CALCRL: variants seen among roughly 807,000 people sequenced by gnomAD.
CALCRL encodes the protein calcitonin receptor like receptor.
Under a neutral mutation model 60.4 loss-of-function variants are expected in CALCRL, and 27 were observed. The ratio of observed to expected loss-of-function variants is 0.45; its 90% CI spans 0.33 to 0.62. The LOEUF (loss-of-function observed/expected upper bound fraction) is 0.62, where lower values mean the gene tolerates loss of function less well. Ranked by LOEUF, CALCRL falls within the 20% of genes least tolerant of loss-of-function variation. The pLI is 0.03. For synonymous variants in CALCRL, 190 were observed against 182.6 expected (o/e 1.04, Z -0.33); for missense variants, 424 against 540.7 (o/e 0.78, Z 2.14).
At chr2:187,444,126 C>A (rs41393945) in intron 1 of CALCRL, among the ~76,000 whole-genome samples, 1 of 151,496 alleles carries the variant, frequency 6.6e-6, no homozygotes, top group South Asian at 2.1e-4. Context: ...ATGATATGCT[C>A]AAAATTCACC....
intron 8 of CALCRL, among the ~76,000 whole-genome samples, chr2:187,375,557 A>T (rs1341123084): frequency 6.6e-6 from 1 of 152,192 alleles, no homozygotes. Context: ...GTTTAAAAGC[A>T]TGGGCATTTT....
In CALCRL at chr2:187,352,248, T is replaced by C. The variant is rs1262074672; in HGVS notation, c.994A>G (p.Met332Val). 1 of 1,612,286 alleles carries C rather than the reference T, an allele frequency of 6.2e-7. No individual in the cohort carries two copies. Among genetic ancestry groups the C allele is most frequent in the Admixed American group, 1.7e-5 (1 of 59,804 alleles). The change falls in exon 13 of 15, where the codon ATG becomes GTG. Residue 332 changes from methionine to valine, a missense_variant. Coordinates refer to ENST00000392370, the MANE Select transcript of CALCRL (RefSeq NM_005795.6). ...ATAAGAGTAGCTCTCACAGCTTTCA[T>C]GTACAGATTGGATTCCGCTTGGTGT... ...VTHQAESNLY[M>V]KAVRATLILV...
chr2:187,358,454 T>G (rs1686897767), intron 12 of CALCRL, among the ~76,000 whole-genome samples: 1 of 152,142 alleles, frequency 6.6e-6, no homozygotes, highest in Admixed American at 6.6e-5. Flanking sequence ...TGCACTCACA[T>G]TAACTGATAA....
At chr2:187,368,234 C>A (rs1453826269) in intron 8 of CALCRL, among the ~76,000 whole-genome samples, 2 of 151,946 alleles carry the variant, frequency 1.3e-5, no homozygotes, top group African/African-American at 4.8e-5. Context: ...GTTAAGTTAG[C>A]TGTTGTTTTT....
At chr2:187,370,271 T>TA (rs769278951) in intron 8 of CALCRL, among the ~76,000 whole-genome samples, 11 of 152,156 alleles carry the variant, frequency 7.2e-5, no homozygotes, top group Non-Finnish European at 1.5e-4. Flanking sequence ...TTCTCATATA[T>TA]GTCTGTGGGT....
At chr2:187,379,865 G>C (rs1687915043) in intron 7 of CALCRL, among the ~76,000 whole-genome samples, 2 of 152,136 alleles carry the variant, frequency 1.3e-5, no homozygotes, top group African/African-American at 4.8e-5. Flanking sequence ...GTAGAAATAA[G>C]AAATCAGGTT....
chr2:187,392,033 A>G (rs1688467407), intron 1 of CALCRL, among the ~76,000 whole-genome samples: 1 of 152,142 alleles, frequency 6.6e-6, no homozygotes, highest in African/African-American at 2.4e-5. Context: ...GACTTAATCA[A>G]TATTTATAAG....
rs558895494 is a variant in CALCRL at position 187,348,609 on chromosome 2, C to G, written c.1171-2210G>C. Among the ~76,000 whole-genome samples the G allele has an allele frequency of 1.1e-4, 17 of 151,658 alleles. No homozygotes were observed. In the South Asian group the frequency reaches 3.5e-3, roughly 31 times the overall value. On this transcript the variant is annotated intron_variant, in intron 14 of 14. Transcript: ENST00000392370. ...TTAAAATATCTACTTTGATTAAGGT[C>G]ATCACTCTATTTCTTCCTTGCAACT...
intron 1 of CALCRL, among the ~76,000 whole-genome samples, chr2:187,425,758 C>A (rs1400143571): frequency 2.0e-5 from 3 of 151,890 alleles, no homozygotes; most frequent in Non-Finnish European, 4.4e-5. Context: ...TCTGTTGACA[C>A]CTTGTGTAAA....
At chr2:187,401,943 AGAAGGAAGGAAGAAAGGAAGAAGG>A (rs1437378498) in intron 1 of CALCRL, among the ~76,000 whole-genome samples, 7 of 151,456 alleles carry the variant, frequency 4.6e-5, no homozygotes, top group African/African-American at 1.7e-4. Context: ...AATCAAGGAA[AGAAGGAAGGAAGAAAGGAAGAAGG>A]GAAGGAAGGA....
chr2:187,444,267 G>A (rs889083891), intron 1 of CALCRL, among the ~76,000 whole-genome samples: 2 of 151,460 alleles, frequency 1.3e-5, no homozygotes, highest in Non-Finnish European at 3.0e-5. Flanking sequence ...CATGTTAAGG[G>A]AAATAAGATT....
intron 1 of CALCRL, among the ~76,000 whole-genome samples, chr2:187,430,470 T>C (rs1193603960): frequency 3.9e-5 from 6 of 152,210 alleles, no homozygotes; most frequent in African/African-American, 7.2e-5. Flanking sequence ...ATGCAGGACA[T>C]TTAATTTTGT....
chr2:187,366,018 T>C (rs988984988), intron 8 of CALCRL, among the ~76,000 whole-genome samples: 1 of 146,294 alleles, frequency 6.8e-6, no homozygotes, highest in Admixed American at 6.8e-5. Context: ...CCGAGGCGGG[T>C]GGATCATGAG....
intron 1 of CALCRL, among the ~76,000 whole-genome samples, chr2:187,416,407 T>C (rs954214529): frequency 2.6e-5 from 4 of 152,186 alleles, no homozygotes; most frequent in Non-Finnish European, 4.4e-5. Flanking sequence ...AATTTCCCTG[T>C]TATCCTAGTA....
At position 187,373,642 on chromosome 2, in the gene CALCRL, C is replaced by T. The variant is rs1311622282; in HGVS notation, c.500+5298G>A. 5.3e-5 allele frequency among the ~76,000 whole-genome samples: 8 copies of T among 152,234 alleles called. No homozygotes were observed. The East Asian group carries it at 1.4e-3, about 26-fold the overall frequency. Reference sequence around the variant, plus strand: ...GACTAATAAGAAGTGAGAACAATGCCAATCATAGATAACATTTTTTGAATC... The same window carrying T: ...GACTAATAAGAAGTGAGAACAATGCTAATCATAGATAACATTTTTTGAATC... On this transcript the variant is annotated intron_variant, in intron 8 of 14. Coordinates refer to ENST00000392370, the MANE Select transcript of CALCRL (RefSeq NM_005795.6).
Position 187,343,403 on chromosome 2 carries a change from A to G in CALCRL, c.*2781T>C, listed in dbSNP as rs67231021. On this transcript the variant is annotated 3_prime_UTR_variant, in exon 15 of 15. Transcript: ENST00000392370. Reference sequence around the variant, plus strand: ...CAGAATATCTTGAATATATTTTTACAGATAACTAGTGGTTTCTACTAGCAG... The same window carrying G: ...CAGAATATCTTGAATATATTTTTACGGATAACTAGTGGTTTCTACTAGCAG... The G allele has an allele frequency of 0.15, 22,553 of 151,782 alleles. 2,306 individuals are homozygous for G. Among genetic ancestry groups the G allele is most frequent in the East Asian group, 0.4 (2,048 of 5,152 alleles). 9.4% of individuals were successfully genotyped at this position (151,782 alleles called of 1,614,324 possible). A position where few individuals can be genotyped will look rare whatever the true frequency, so the allele number is the denominator to read the frequency against.
intron 1 of CALCRL, among the ~76,000 whole-genome samples, chr2:187,433,754 A>G (rs933636178): frequency 6.6e-6 from 1 of 152,104 alleles, no homozygotes; most frequent in Non-Finnish European, 1.5e-5. Context: ...AACTTATCTG[A>G]AGAAAAAATA....
intron 1 of CALCRL, among the ~76,000 whole-genome samples, chr2:187,413,434 T>C (rs1689453840): frequency 6.6e-6 from 1 of 152,180 alleles, no homozygotes. Context: ...TATCTATAAC[T>C]GTTATATATT....
At chr2:187,385,829 C>T (rs956074357) in intron 3 of CALCRL, among the ~76,000 whole-genome samples, 198 bp from the exon 4 acceptor site, 3 of 152,032 alleles carry the variant, frequency 2.0e-5, no homozygotes, top group African/African-American at 7.2e-5. Context: ...TGGCTCACTG[C>T]AGCCTGGACT....
Sources: allele counts gnomAD v4.1 joint callset (sites outside exome capture counted in the v4.1 genomes callset), GRCh38; gene constraint gnomAD v4.1.1; transcripts MANE v1.5; gene names NCBI Gene and HGNC (gene_info 2026-07-23, HGNC 2026-07-21).